The following ATP8B1 variants were observed in gnomAD, a reference collection of about 807,000 sequenced individuals.
The protein encoded by ATP8B1 is ATPase phospholipid transporting 8B1.
ATP8B1 carries 80 observed loss-of-function variants against 149.9 expected under a neutral mutation model. The ratio of observed to expected loss-of-function variants is 0.53; its 90% CI spans 0.45 to 0.64. The LOEUF is 0.64. Ranked by LOEUF, ATP8B1 falls within the 30% of genes least tolerant of loss-of-function variation. The pLI, the probability that ATP8B1 is intolerant of heterozygous loss-of-function variation, is 0.00. For missense variants in ATP8B1, 1,247 were observed against 1,552.6 expected, an observed-to-expected ratio of 0.80 and a Z score of 3.31; for synonymous variants, 536 against 562.8, an observed-to-expected ratio of 0.95 and a Z score of 0.67.
At chr18:57,695,059 C>G in intron 10 of ATP8B1, 112 bp downstream of exon 10, 1 of 475,954 alleles carries the variant, frequency 2.1e-6, no homozygotes. Flanking sequence ...AAAAAAAGCT[C>G]ATGATGCTAT....
In ATP8B1 at chr18:57,698,000, T is replaced by C; in HGVS notation, c.555-133A>G. 3 of 804,698 alleles carry C rather than the reference T, an allele frequency of 3.7e-6. No individual in the cohort carries two copies. The Admixed American group carries it at 6.3e-5, about 17-fold the overall frequency. 49.8% of individuals were successfully genotyped at this position (804,698 alleles called of 1,614,324 possible). A position where few individuals can be genotyped will look rare whatever the true frequency, so the allele number is the denominator to read the frequency against. Reference sequence around the variant, plus strand: ...AAAATGCTAAAATTTTGCTCTTTAATGGATGTAAACATATTAAAGGGGGGC... The same window carrying C: ...AAAATGCTAAAATTTTGCTCTTTAACGGATGTAAACATATTAAAGGGGGGC... On this transcript the variant is annotated intron_variant, in intron 6 of 27. Transcript: ENST00000648908.
chr18:57,732,281 GTATATA>G (rs1404326427), intron 1 of ATP8B1, among the ~76,000 whole-genome samples: 2 of 24,236 alleles, frequency 8.3e-5, no homozygotes, highest in African/African-American at 8.9e-5. Context: ...GTATATATGT[GTATATA>G]TGTATATATA....
At chr18:57,652,007 T>G in intron 26 of ATP8B1, 27 bp downstream of exon 26, 1 of 1,603,438 alleles carries the variant, frequency 6.2e-7, no homozygotes. Flanking sequence ...GTCTGTACAT[T>G]TATTTTTGGA....
intron 20 of ATP8B1, among the ~76,000 whole-genome samples, chr18:57,663,510 C>G (rs758262316): frequency 3.9e-5 from 6 of 152,188 alleles, no homozygotes; most frequent in Non-Finnish European, 5.9e-5. Context: ...CATCACCATA[C>G]TGTTTTGCAT....
In ATP8B1 at chr18:57,785,538, C is replaced by T. The variant is rs60330022; in HGVS notation, c.-26+17460G>A. 9.7e-3 allele frequency among the ~76,000 whole-genome samples: 1,476 copies of T among 152,350 alleles called. 27 individuals are homozygous for T. Among genetic ancestry groups the T allele is most frequent in the African/African-American group, 0.034 (1,422 of 41,572 alleles). ...TTTGTTTTTTTGAGACGGAGTCTCGCTCTGTTGCCCAGGCTGGAGTGCAGT... is the reference window on the plus strand; with the variant it reads ...TTTGTTTTTTTGAGACGGAGTCTCGTTCTGTTGCCCAGGCTGGAGTGCAGT... On this transcript the variant is annotated intron_variant, in intron 1 of 27. Coordinates refer to ENST00000648908, the MANE Select transcript of ATP8B1 (RefSeq NM_001374385.1).
intron 22 of ATP8B1, among the ~76,000 whole-genome samples, chr18:57,658,053 CT>C (rs546460466): frequency 1.8e-4 from 26 of 146,266 alleles, no homozygotes; most frequent in South Asian, 2.2e-4. Context: ...TCCCTCTTGC[CT>C]TTTTTTTTTT....
intron 12 of ATP8B1, among the ~76,000 whole-genome samples, chr18:57,691,379 C>G (rs1166896824): frequency 6.6e-6 from 1 of 152,040 alleles, no homozygotes; most frequent in Non-Finnish European, 1.5e-5. Context: ...AGTTCTCCAC[C>G]TTGGGTGTGG....
In ATP8B1 at chr18:57,785,866, G is replaced by A. The variant is rs61262599; in HGVS notation, c.-26+17132C>T. On this transcript the variant is annotated intron_variant, in intron 1 of 27. Transcript: ENST00000648908. ...AGTTATGAAGTCCAAGAAAGAACTT[G>A]GTTATTCTCCTCTGGCAGCTTAGTG... 9.7e-3 allele frequency among the ~76,000 whole-genome samples: 1,482 copies of A among 152,224 alleles called. 27 individuals are homozygous for A. The highest frequency in any genetic ancestry group is 0.034 in the African/African-American group (1,428 of 41,540).
At chr18:57,687,671 A>G (rs1912319198) in intron 13 of ATP8B1, among the ~76,000 whole-genome samples, 1 of 151,740 alleles carries the variant, frequency 6.6e-6, no homozygotes, top group Non-Finnish European at 1.5e-5. Flanking sequence ...TAATGCTGCT[A>G]TGAACATAGG....
intron 13 of ATP8B1, among the ~76,000 whole-genome samples, chr18:57,687,856 T>G (rs937746041): frequency 3.4e-5 from 5 of 145,192 alleles, no homozygotes; most frequent in Admixed American, 7.3e-5. Flanking sequence ...CTCAGCTCAC[T>G]GCAACCTCTG....
chr18:57,764,152 T>C (rs538060908), intron 1 of ATP8B1, among the ~76,000 whole-genome samples: 2 of 152,154 alleles, frequency 1.3e-5, no homozygotes, highest in South Asian at 4.1e-4. Flanking sequence ...TTCCCCACGA[T>C]CCATCTGGCA....
At chr18:57,775,926 G>A (rs899339798) in intron 1 of ATP8B1, among the ~76,000 whole-genome samples, 4 of 152,178 alleles carry the variant, frequency 2.6e-5, no homozygotes, top group African/African-American at 9.7e-5. Flanking sequence ...TTACAGGCGT[G>A]AGCTGCTGCG....
At chr18:57,699,012 A>G (rs1169345671) in intron 6 of ATP8B1, among the ~76,000 whole-genome samples, 1 of 152,232 alleles carries the variant, frequency 6.6e-6, no homozygotes, top group African/African-American at 2.4e-5. Context: ...AAAGTACTCC[A>G]TAAGTGTTTG....
intron 1 of ATP8B1, among the ~76,000 whole-genome samples, chr18:57,777,206 G>C (rs991813478): frequency 6.6e-6 from 1 of 152,070 alleles, no homozygotes; most frequent in Non-Finnish European, 1.5e-5. Flanking sequence ...TTGAACTTTT[G>C]GGTTCAAGCA....
In ATP8B1 at chr18:57,692,005, A is replaced by G. The variant is rs567076278; in HGVS notation, c.1030-8T>C. On this transcript the variant is annotated splice_polypyrimidine_tract_variant and splice_region_variant and intron_variant, in intron 11 of 27. Transcript: ENST00000648908. ...AATAAGAACAACAAAGATCTAGAAG[A>G]CAGAAAACATTTAAATGCATTCTGA... The G allele has an allele frequency of 8.7e-6, 14 of 1,609,296 alleles. No individual in the cohort carries two copies. In the African/African-American group the frequency reaches 9.4e-5, roughly 11 times the overall value.
intron 22 of ATP8B1, among the ~76,000 whole-genome samples, chr18:57,658,019 A>C (rs1425558852): frequency 1.3e-5 from 2 of 151,970 alleles, no homozygotes; most frequent in African/African-American, 4.8e-5. Context: ...TAACAAAAAG[A>C]ATATTTCCTC....
At chr18:57,764,409 C>G (rs2080189311) in intron 1 of ATP8B1, among the ~76,000 whole-genome samples, 1 of 124,786 alleles carries the variant, frequency 8.0e-6, no homozygotes. Flanking sequence ...TTCTTTCTTT[C>G]TCTCTTTCTC....
At chr18:57,676,839 A>T (rs1349013534) in intron 15 of ATP8B1, among the ~76,000 whole-genome samples, 1 of 151,954 alleles carries the variant, frequency 6.6e-6, no homozygotes, top group Non-Finnish European at 1.5e-5. Flanking sequence ...TCTTCTATTC[A>T]CAACTACATT....
chr18:57,710,674 G>A (rs977304438), intron 2 of ATP8B1, among the ~76,000 whole-genome samples: 2 of 152,254 alleles, frequency 1.3e-5, no homozygotes, highest in African/African-American at 2.4e-5. Flanking sequence ...TGCTGTTCTC[G>A]CTGAGGCTGG....
Sources: allele counts gnomAD v4.1 joint callset (sites outside exome capture counted in the v4.1 genomes callset), GRCh38; gene constraint gnomAD v4.1.1; transcripts MANE v1.5; gene names NCBI Gene and HGNC (gene_info 2026-07-23, HGNC 2026-07-21).